The following PEX7 variants were observed in gnomAD, a reference collection of about 807,000 sequenced individuals.
PEX7 encodes peroxisomal biogenesis factor 7.
Under a neutral mutation model 47.5 loss-of-function variants are expected in PEX7, and 34 were observed. The observed-to-expected ratio is 0.72, with a 90% CI of 0.54 to 0.95. The LOEUF is 0.95. Ranked by LOEUF, PEX7 falls within the 40% of genes least tolerant of loss-of-function variation. The pLI is 0.00. For synonymous variants in PEX7, 141 were observed against 148.8 expected (o/e 0.95, Z 0.38); for missense variants, 394 against 400.3 (o/e 0.98, Z 0.13).
chr6:136,884,513 A>G (rs575654789), intron 8 of PEX7, among the ~76,000 whole-genome samples: 1 of 152,270 alleles, frequency 6.6e-6, no homozygotes, highest in Admixed American at 6.5e-5. Flanking sequence ...CCATTGTTAT[A>G]TTTAGGTTTG....
intron 8 of PEX7, among the ~76,000 whole-genome samples, chr6:136,891,129 TCC>T (rs1293623639): frequency 1.3e-5 from 2 of 152,216 alleles, no homozygotes; most frequent in Admixed American, 6.5e-5. Context: ...TCATCCAGCA[TCC>T]CTGTGGATCT....
Position 136,869,824 on chromosome 6 carries a change from A to G in PEX7, c.634-66A>G, listed in dbSNP as rs547211596. The G allele has an allele frequency of 2.7e-5, 31 of 1,150,990 alleles. No individual in the cohort carries two copies. In the South Asian group the frequency reaches 3.7e-4, roughly 14 times the overall value. The allele number at this position is 1,150,990 out of a possible 1,614,324, so 71.3% of individuals were successfully genotyped here. On this transcript the variant is annotated intron_variant, in intron 6 of 9. Transcript: ENST00000318471. Reference sequence around the variant, plus strand: ...TCAGAAAGCAGATGTTGTTTCTAGTAGGAAAGCCTGCATACTGTTTAATTG... The same window carrying G: ...TCAGAAAGCAGATGTTGTTTCTAGTGGGAAAGCCTGCATACTGTTTAATTG...
At chr6:136,836,837 C>T (rs774000935) in intron 3 of PEX7, among the ~76,000 whole-genome samples, 20 of 151,926 alleles carry the variant, frequency 1.3e-4, no homozygotes, top group Non-Finnish European at 1.8e-4. Flanking sequence ...TCTGTAATCT[C>T]GGCTACTTAG....
In PEX7 at chr6:136,913,515, A is replaced by G. The variant is rs879706210; in HGVS notation, c.961A>G (p.Ile321Val). The stretch of plus-strand genomic sequence containing the variant: ...GATCTATGACCCTGCTTGTCTTACT[A>G]TTCCTGCTTGAGATACACTACTTTG... ...IKIYDPACLT[I>V]PA Residue 321 changes from isoleucine (I) to valine (V), a missense_variant, in exon 10 of 10, where the codon ATT becomes GTT. Ile to Val is a conservative substitution (Grantham distance 29). Transcript: ENST00000318471. The G allele has an allele frequency of 7.5e-6, 12 of 1,609,716 alleles. No individual in the cohort carries two copies. The highest frequency in any genetic ancestry group is 6.7e-5 in the African/African-American group (5 of 74,810).
chr6:136,844,012 T>C (rs1774550413), intron 3 of PEX7, among the ~76,000 whole-genome samples: 1 of 152,232 alleles, frequency 6.6e-6, no homozygotes, highest in Non-Finnish European at 1.5e-5. Context: ...ATTTTACTTT[T>C]TTTGAAGCTT....
intron 3 of PEX7, among the ~76,000 whole-genome samples, chr6:136,828,939 C>T (rs747759195): frequency 2.0e-5 from 3 of 152,200 alleles, no homozygotes; most frequent in Non-Finnish European, 4.4e-5. Context: ...AGACACACTT[C>T]TGTTTTTTAA....
chr6:136,906,653 A>T (rs1427157960), intron 9 of PEX7, among the ~76,000 whole-genome samples: 1 of 152,114 alleles, frequency 6.6e-6, no homozygotes. Context: ...AACAGAATAC[A>T]TTTTTCCTAT....
At chr6:136,823,260 T>G in intron 1 of PEX7, 1 of 985,448 alleles carries the variant, frequency 1.0e-6, no homozygotes, top group Non-Finnish European at 1.2e-6. Context: ...ACCTGCGGGC[T>G]GGCCTTCCTA....
At chr6:136,896,172 A>G (rs1775646889) in intron 8 of PEX7, among the ~76,000 whole-genome samples, 1 of 152,224 alleles carries the variant, frequency 6.6e-6, no homozygotes, top group Non-Finnish European at 1.5e-5. Context: ...CCAGGAATTT[A>G]TCAGGAGAGT....
At chr6:136,822,847 C>CCGGGG in intron 1 of PEX7, 52 bp downstream of exon 1, 1 of 1,234,854 alleles carries the variant, frequency 8.1e-7, no homozygotes, top group Non-Finnish European at 1.0e-6. Context: ...GAGGCGGGGG[C>CCGGGG]CAGCCGGGCT....
At chr6:136,880,331 C>T (rs1373950931) in intron 8 of PEX7, among the ~76,000 whole-genome samples, 1 of 152,156 alleles carries the variant, frequency 6.6e-6, no homozygotes, top group Non-Finnish European at 1.5e-5. Context: ...GATCACCTCC[C>T]TGTATCCAGT....
rs1774776165 is a variant in PEX7, at chr6:136,852,456, G to A, written c.526+6275G>A. Among the ~76,000 whole-genome samples, 5 of 85,490 alleles carry A rather than the reference G, an allele frequency of 5.8e-5. No homozygotes were observed. The South Asian group carries it at 2.7e-3, about 45-fold the overall frequency. 56.1% of individuals were successfully genotyped at this position (85,490 alleles called of 152,430 possible). A position where few individuals can be genotyped will look rare whatever the true frequency, so the allele number is the denominator to read the frequency against. On this transcript the variant is annotated intron_variant, in intron 5 of 9. Coordinates refer to ENST00000318471, the MANE Select transcript of PEX7 (RefSeq NM_000288.4). The stretch of plus-strand genomic sequence containing the variant: ...CTCCTTAAGCTGATAAGCAACTTCA[G>A]CAAAGTCTCAGGATACAAAATCAAT...
chr6:136,825,038 G>A (rs1283866314), intron 1 of PEX7, among the ~76,000 whole-genome samples, 176 bp from the exon 2 acceptor site: 1 of 152,182 alleles, frequency 6.6e-6, no homozygotes, highest in African/African-American at 2.4e-5. Context: ...TGGTATTCAT[G>A]TCCCAAAAAC....
chr6:136,824,295 G>T (rs1368446413), intron 1 of PEX7, among the ~76,000 whole-genome samples: 1 of 151,926 alleles, frequency 6.6e-6, no homozygotes, highest in African/African-American at 2.4e-5. Flanking sequence ...CCACCTCCTG[G>T]GCTCATATGA....
At chr6:136,860,879 ATAGTCGC>A (rs1440442237) in intron 5 of PEX7, among the ~76,000 whole-genome samples, 3 of 152,130 alleles carry the variant, frequency 2.0e-5, no homozygotes, top group Non-Finnish European at 2.9e-5. Context: ...TCCCATCCTT[ATAGTCGC>A]TTCTCACCAC....
At position 136,900,514 on chromosome 6, in the gene PEX7, A is replaced by G; in HGVS notation, c.903+2273A>G. ...GTGTCTGTCATTGTAATTGGTCCTG[A>G]TAGCTTCCACCATCTTAGCCAAAGC... On this transcript the variant is annotated intron_variant, in intron 9 of 9. Transcript: ENST00000318471. The surrounding 1 kb of genome is among the most constrained non-coding windows in gnomAD (Gnocchi z 4.2). 2.1e-6 allele frequency: 1 copy of G among 478,616 alleles called. No homozygotes were observed. The allele number at this position is 478,616 out of a possible 1,614,324, so 29.6% of individuals were successfully genotyped here.
chr6:136,843,634 G>A (rs1024297008), intron 3 of PEX7, among the ~76,000 whole-genome samples: 4 of 152,134 alleles, frequency 2.6e-5, no homozygotes, highest in Non-Finnish European at 5.9e-5. Context: ...CTTTGTAGGC[G>A]AAATTTAGAG....
At chr6:136,887,037 AC>A (rs1374826903) in intron 8 of PEX7, among the ~76,000 whole-genome samples, 2 of 151,748 alleles carry the variant, frequency 1.3e-5, no homozygotes, top group Non-Finnish European at 2.9e-5. Context: ...ACAGAGTGAG[AC>A]CCTGTCTTGA....
intron 8 of PEX7, among the ~76,000 whole-genome samples, chr6:136,874,375 A>G (rs1024243304): frequency 6.6e-6 from 1 of 152,164 alleles, no homozygotes; most frequent in Admixed American, 6.6e-5. Flanking sequence ...TTATTCGTAG[A>G]GGTGTCTGTA....
Sources: allele counts gnomAD v4.1 joint callset (sites outside exome capture counted in the v4.1 genomes callset), GRCh38; gene constraint gnomAD v4.1.1; non-coding constraint Gnocchi (gnomAD v3.1); transcripts MANE v1.5; gene names NCBI Gene and HGNC (gene_info 2026-07-23, HGNC 2026-07-21).